THSD7A: variants seen among roughly 807,000 people sequenced by gnomAD.
THSD7A encodes thrombospondin type-1 domain-containing protein 7A.
In THSD7A, 96 loss-of-function variants were observed where a neutral mutation model predicts 231.3. The ratio of observed to expected loss-of-function variants is 0.41; its 90% CI spans 0.35 to 0.49. THSD7A has a LOEUF of 0.49. THSD7A is among the 20% of genes least tolerant of loss of function. The pLI is 0.05. For synonymous variants in THSD7A, 940 were observed against 743.3 expected, an observed-to-expected ratio of 1.26 and a Z score of -4.30; for missense variants, 2,290 against 2,070.2, an observed-to-expected ratio of 1.11 and a Z score of -2.06.
At chr7:11,797,955 CAG>C (rs1291287814) in intron 1 of THSD7A, among the ~76,000 whole-genome samples, 5 of 152,054 alleles carry the variant, frequency 3.3e-5, no homozygotes, top group African/African-American at 1.2e-4. Flanking sequence ...AATAACTTGT[CAG>C]AGAAAATTTC....
intron 1 of THSD7A, chr7:11,821,136 T>C (rs1562579091): frequency 9.2e-7 from 1 of 1,087,494 alleles, no homozygotes; most frequent in Non-Finnish European, 1.4e-6. Context: ...TTCCTCTATT[T>C]AGGTATTTAG....
At position 11,831,387 on chromosome 7, in the gene THSD7A, C is replaced by T. The variant is rs867816195; in HGVS notation, c.190+370G>A. ...CATGACAGTGAGCATATTGCTTTGC[C>T]TAAAGAATAAAGACTGAGACTAAAC... On this transcript the variant is annotated intron_variant, in intron 1 of 27. Transcript: ENST00000423059. The surrounding 1 kb of genome is among the most constrained non-coding windows in gnomAD (Gnocchi z 5.0). Among the ~76,000 whole-genome samples the T allele has an allele frequency of 6.6e-6, 1 of 152,124 alleles. No individual in the cohort carries two copies. Among genetic ancestry groups the T allele is most frequent in the Middle Eastern group, 3.2e-3 (1 of 316 alleles).
chr7:11,383,291 G>T (rs867970657), intron 23 of THSD7A, among the ~76,000 whole-genome samples: 2 of 152,022 alleles, frequency 1.3e-5, no homozygotes, highest in African/African-American at 4.8e-5. Context: ...TTTAAAAAAT[G>T]TAGTACAGTC....
intron 25 of THSD7A, 77 bp downstream of exon 25, chr7:11,379,553 G>A (rs894920397): frequency 3.1e-5 from 41 of 1,308,638 alleles, no homozygotes; most frequent in South Asian, 1.0e-4. Flanking sequence ...TTCTTTGGAG[G>A]AAGATAAACT....
chr7:11,693,890 T>A (rs1780310361), intron 1 of THSD7A, among the ~76,000 whole-genome samples: 1 of 151,568 alleles, frequency 6.6e-6, no homozygotes. Context: ...TTAGGATATC[T>A]CTATTTTACT....
Position 11,482,002 on chromosome 7 carries a change from C to T in THSD7A, c.1823-20G>A. 1 of 1,573,826 alleles carries T rather than the reference C, an allele frequency of 6.4e-7. No individual in the cohort carries two copies. The highest frequency in any genetic ancestry group is 8.6e-7 in the Non-Finnish European group (1 of 1,156,158). On this transcript the variant is annotated intron_variant, in intron 6 of 27. Coordinates refer to ENST00000423059, the MANE Select transcript of THSD7A (RefSeq NM_015204.3). The stretch of plus-strand genomic sequence containing the variant: ...CTTCTCCTGGGGAAAACATGACCAC[C>T]AACAGCTATTATTGTTAAATTAATG...
intron 1 of THSD7A, among the ~76,000 whole-genome samples, chr7:11,741,932 T>C (rs117837395): frequency 0.014 from 2,061 of 152,016 alleles, 29 homozygotes; most frequent in Non-Finnish European, 0.022. Flanking sequence ...TCACATTAGG[T>C]AGTGCTGACA....
intron 23 of THSD7A, among the ~76,000 whole-genome samples, chr7:11,390,818 C>CTGTT (rs1782952195): frequency 6.6e-6 from 1 of 152,174 alleles, no homozygotes; most frequent in South Asian, 2.1e-4. Flanking sequence ...CTATTCCTTT[C>CTGTT]TGTTTGTTAA....
At chr7:11,564,260 C>T (rs1429526427) in intron 4 of THSD7A, among the ~76,000 whole-genome samples, 5 of 152,138 alleles carry the variant, frequency 3.3e-5, no homozygotes, top group East Asian at 3.9e-4. Context: ...TTATGGGTGT[C>T]GAAAACACTG....
intron 23 of THSD7A, among the ~76,000 whole-genome samples, chr7:11,390,381 T>C (rs1321726197): frequency 2.0e-5 from 3 of 152,256 alleles, no homozygotes; most frequent in African/African-American, 7.2e-5. Context: ...TTGTTTCTTC[T>C]GCTTTATTGA....
intron 6 of THSD7A, among the ~76,000 whole-genome samples, chr7:11,492,190 C>A (rs1042066534): frequency 3.3e-5 from 5 of 151,928 alleles, no homozygotes; most frequent in Non-Finnish European, 5.9e-5. Context: ...GTGCAAAAGA[C>A]CCCATGGACT....
intron 1 of THSD7A, among the ~76,000 whole-genome samples, chr7:11,762,492 G>A (rs1319522665): frequency 6.6e-6 from 1 of 152,078 alleles, no homozygotes; most frequent in African/African-American, 2.4e-5. Flanking sequence ...TAGTGATATG[G>A]AGCATTTTTA....
chr7:11,744,210 A>G (rs1460049996), intron 1 of THSD7A, among the ~76,000 whole-genome samples: 1 of 151,686 alleles, frequency 6.6e-6, no homozygotes, highest in African/African-American at 2.4e-5. Flanking sequence ...CTCTTTTTTG[A>G]CCTTCATGTC....
chr7:11,460,696 T>G lies in THSD7A; in HGVS notation c.2571A>C (p.Ala857=). The G allele has an allele frequency of 6.2e-7, 1 of 1,612,070 alleles. No individual in the cohort carries two copies. Among genetic ancestry groups the G allele is most frequent in the South Asian group, 1.1e-5 (1 of 90,514 alleles). The change falls in exon 11 of 28, where the codon GCA becomes GCC. Residue 857 remains alanine (A), a synonymous_variant. Transcript: ENST00000423059. ...PWSVQQDSPG[A]QEGCGPGRQA... ...GTCGCCCAGGCCCACAGCCTTCCTG[T>G]GCTCCAGGGCTGTCTTGTTGCACGC...
chr7:11,644,415 A>G (rs1782205414), intron 1 of THSD7A, among the ~76,000 whole-genome samples: 1 of 151,990 alleles, frequency 6.6e-6, no homozygotes, highest in Non-Finnish European at 1.5e-5. Context: ...AATGTTTTTC[A>G]TCTAAACTAG....
chr7:11,459,322 C>T (rs1214103239), intron 11 of THSD7A, among the ~76,000 whole-genome samples: 1 of 151,976 alleles, frequency 6.6e-6, no homozygotes, highest in Non-Finnish European at 1.5e-5. Context: ...TGCTCATTTT[C>T]ATTATAACCT....
chr7:11,727,573 C>T (rs1781590138), intron 1 of THSD7A, among the ~76,000 whole-genome samples: 1 of 151,728 alleles, frequency 6.6e-6, no homozygotes, highest in South Asian at 2.1e-4. Flanking sequence ...TTGATAAAAA[C>T]TCTTACCAAC....
Position 11,658,448 on chromosome 7 carries a change from C to A in THSD7A, c.191-21487G>T, listed in dbSNP as rs566250519. ...TCCTCCAGATAGGCCTTTTTTTTCACTCAGATGGTGTTAATGGTTGACTTA... is the reference window on the plus strand; with the variant it reads ...TCCTCCAGATAGGCCTTTTTTTTCAATCAGATGGTGTTAATGGTTGACTTA... On this transcript the variant is annotated intron_variant, in intron 1 of 27. Coordinates refer to ENST00000423059, the MANE Select transcript of THSD7A (RefSeq NM_015204.3). Among the ~76,000 whole-genome samples the A allele has an allele frequency of 2.0e-4, 31 of 151,296 alleles. No homozygotes were observed. The South Asian group carries it at 6.0e-3, about 29-fold the overall frequency.
At chr7:11,499,504 A>T (rs886934461) in intron 6 of THSD7A, among the ~76,000 whole-genome samples, 1 of 152,228 alleles carries the variant, frequency 6.6e-6, no homozygotes, top group African/African-American at 2.4e-5. Context: ...AGAATTCATA[A>T]TACGGATAGG....
Sources: gnomAD v4.1 joint callset for allele counts (sites outside exome capture counted in the v4.1 genomes callset) on GRCh38, gnomAD v4.1.1 for gene constraint, Gnocchi (gnomAD v3.1) non-coding constraint, MANE v1.5 for transcripts, NCBI Gene and HGNC (gene_info 2026-07-23, HGNC 2026-07-21) for gene names.